The following TTLL11 variants were observed in gnomAD, a reference collection of about 807,000 sequenced individuals.
TTLL11 encodes tubulin polyglutamylase TTLL11.
Under a neutral mutation model 51.7 loss-of-function variants are expected in TTLL11, and 42 were observed. The ratio of observed to expected loss-of-function variants is 0.81; its 90% confidence interval spans 0.64 to 1.05. The LOEUF (loss-of-function observed/expected upper bound fraction) is 1.05, where lower values mean the gene tolerates loss of function less well. Among genes scored for constraint, TTLL11 ranks in the 50% least tolerant of loss-of-function variants. The pLI is 0.00. For synonymous variants in TTLL11, 381 were observed against 383.5 expected, an observed-to-expected ratio of 0.99 and a Z score of 0.08; for missense variants, 799 against 940.4, an observed-to-expected ratio of 0.85 and a Z score of 1.97.
intron 6 of TTLL11, among the ~76,000 whole-genome samples, chr9:121,906,090 T>C (rs1186068243): frequency 6.6e-6 from 1 of 152,166 alleles, no homozygotes; most frequent in African/African-American, 2.4e-5. Flanking sequence ...CACAGGAGTA[T>C]GGGAAACTGG....
At chr9:122,088,674 A>ATGT (rs777420698) in intron 1 of TTLL11, among the ~76,000 whole-genome samples, 9 of 152,240 alleles carry the variant, frequency 5.9e-5, no homozygotes, top group African/African-American at 1.2e-4. Context: ...ATTTATTATC[A>ATGT]TGTTGTTGTT....
At chr9:121,971,903 G>A (rs773986682) in intron 6 of TTLL11, among the ~76,000 whole-genome samples, 1 of 152,012 alleles carries the variant, frequency 6.6e-6, no homozygotes. Flanking sequence ...AACACTGCAC[G>A]TTCCTACTCA....
At position 121,974,961 on chromosome 9, in the gene TTLL11, G is replaced by A. The variant is rs751491823; in HGVS notation, c.1288C>T (p.Leu430Phe). Residue 430 changes from leucine (L) to phenylalanine (F), a missense_variant, in exon 5 of 9, where the codon CTT becomes TTT. Leu to Phe is a conservative substitution (Grantham distance 22). Coordinates refer to ENST00000321582, the MANE Select transcript of TTLL11 (RefSeq NM_001139442.2). The part of the protein sequence containing the change: ...TCFQILGFDI[L>F]LMKNLKPILL... ...ATAGGCTTCAGATTTTTCATTAGAAGAATGTCAAAGCCTAAAATCTGGGCA... is the reference window on the plus strand; with the variant it reads ...ATAGGCTTCAGATTTTTCATTAGAAAAATGTCAAAGCCTAAAATCTGGGCA... 2 of 1,541,820 alleles carry A rather than the reference G, an allele frequency of 1.3e-6. No homozygotes were observed. Among genetic ancestry groups the A allele is most frequent in the Non-Finnish European group, 1.7e-6 (2 of 1,144,756 alleles).
intron 8 of TTLL11, among the ~76,000 whole-genome samples, chr9:121,844,157 T>C (rs1412373073): frequency 1.3e-5 from 2 of 152,124 alleles, no homozygotes; most frequent in African/African-American, 2.4e-5. Flanking sequence ...GATTGTAAAA[T>C]GTTTCTCTAC....
chr9:122,020,111 T>G (rs913882925), intron 3 of TTLL11, among the ~76,000 whole-genome samples: 6 of 152,220 alleles, frequency 3.9e-5, no homozygotes, highest in African/African-American at 1.2e-4. Flanking sequence ...TAAGCCGCCA[T>G]GCCTGCCCTA....
chr9:122,014,010 G>A (rs924999660), intron 3 of TTLL11, among the ~76,000 whole-genome samples: 9 of 152,112 alleles, frequency 5.9e-5, no homozygotes, highest in South Asian at 4.2e-4. Context: ...AAGCCTTGGC[G>A]GGTGGGGGAA....
chr9:121,872,319 C>G (rs1282833777), intron 6 of TTLL11, among the ~76,000 whole-genome samples: 2 of 152,224 alleles, frequency 1.3e-5, no homozygotes, highest in Non-Finnish European at 2.9e-5. Context: ...ATTTCTTGGA[C>G]CTGCTTCCTT....
chr9:121,878,767 G>A (rs541087130), intron 6 of TTLL11, among the ~76,000 whole-genome samples: 21 of 152,280 alleles, frequency 1.4e-4, no homozygotes, highest in South Asian at 2.1e-4. Context: ...CTGCCCTGCC[G>A]GCCCTGAGCA....
At chr9:122,029,725 G>GTA (rs1045289716) in intron 3 of TTLL11, among the ~76,000 whole-genome samples, 2 of 152,150 alleles carry the variant, frequency 1.3e-5, no homozygotes, top group African/African-American at 4.8e-5. Flanking sequence ...TAGATTTAGT[G>GTA]TAGCCTAAGT....
intron 8 of TTLL11, among the ~76,000 whole-genome samples, chr9:121,845,926 A>G (rs182774723): frequency 2.0e-5 from 3 of 152,316 alleles, no homozygotes; most frequent in Admixed American, 1.3e-4. Flanking sequence ...CAACTATATC[A>G]ATAAGTATTT....
intron 6 of TTLL11, among the ~76,000 whole-genome samples, chr9:121,969,988 C>G (rs1410849859): frequency 1.3e-5 from 2 of 152,122 alleles, no homozygotes; most frequent in Admixed American, 6.5e-5. Context: ...TTACAAAGTA[C>G]TTTCATGGAT....
chr9:121,843,641 C>T (rs75135642), intron 8 of TTLL11, among the ~76,000 whole-genome samples: 3,898 of 152,124 alleles, frequency 0.026, 106 homozygotes, highest in African/African-American at 0.072. Context: ...CCTGCTAATG[C>T]GGGAAACTAT....
At position 122,092,861 on chromosome 9, in the gene TTLL11, C is replaced by T; in HGVS notation, c.288G>A (p.Val96=). 1 of 1,572,148 alleles carries T rather than the reference C, an allele frequency of 6.4e-7. No individual in the cohort carries two copies. Among genetic ancestry groups the T allele is most frequent in the Non-Finnish European group, 8.6e-7 (1 of 1,166,432 alleles). Residue 96 remains valine, a synonymous_variant, in exon 1 of 9, where the codon GTG becomes GTA. Transcript: ENST00000321582. The stretch of plus-strand genomic sequence containing the variant: ...GCTTCCCGTGCGGGCAGAGGCCCTG[C>T]ACCGGCTTCGGCTTGGACGGGGGCA... ...PTLPPSKPKP[V]QGLCPHGKPR...
intron 3 of TTLL11, among the ~76,000 whole-genome samples, chr9:122,027,819 G>A (rs894618620): frequency 6.6e-6 from 1 of 152,174 alleles, no homozygotes; most frequent in African/African-American, 2.4e-5. Flanking sequence ...CCATTCAAAG[G>A]AATGAAGAAT....
intron 1 of TTLL11, among the ~76,000 whole-genome samples, chr9:122,087,004 AAAG>A (rs1313933417): frequency 6.6e-6 from 1 of 152,230 alleles, no homozygotes; most frequent in East Asian, 1.9e-4. Flanking sequence ...AAGGATTAGC[AAAG>A]AAGAAGGTAT....
At chr9:121,991,375 A>C (rs1346478766) in intron 3 of TTLL11, among the ~76,000 whole-genome samples, 1 of 152,246 alleles carries the variant, frequency 6.6e-6, no homozygotes, top group Non-Finnish European at 1.5e-5. Flanking sequence ...CGAGAATGGA[A>C]CTTCACAAGA....
chr9:121,897,449 A>G (rs1468105732), intron 6 of TTLL11, among the ~76,000 whole-genome samples: 1 of 151,864 alleles, frequency 6.6e-6, no homozygotes, highest in Non-Finnish European at 1.5e-5. Flanking sequence ...TCTTCTCTCC[A>G]GATACTCAGC....
At chr9:122,075,634 A>G (rs996471126) in intron 1 of TTLL11, among the ~76,000 whole-genome samples, 6 of 152,194 alleles carry the variant, frequency 3.9e-5, no homozygotes, top group Admixed American at 3.3e-4. Flanking sequence ...CAACCTGCCT[A>G]GAGAGTCATA....
chr9:122,016,975 C>T (rs16911281), intron 3 of TTLL11, among the ~76,000 whole-genome samples: 2,677 of 152,292 alleles, frequency 0.018, 87 homozygotes, highest in African/African-American at 0.062. Context: ...GAATCCCACT[C>T]GCTTCCGCCT....
Sources: allele counts gnomAD v4.1 joint callset (sites outside exome capture counted in the v4.1 genomes callset), GRCh38; gene constraint gnomAD v4.1.1; transcripts MANE v1.5; gene names NCBI Gene and HGNC (gene_info 2026-07-23, HGNC 2026-07-21).